Variants in CMYA5 observed in about 807,000 individuals in gnomAD.
The protein encoded by CMYA5 is cardiomyopathy-associated protein 5.
CMYA5 carries 246 observed loss-of-function variants against 318.9 expected under a neutral mutation model. That is an observed-to-expected ratio of 0.77 (90% confidence interval 0.70 to 0.86). The LOEUF (loss-of-function observed/expected upper bound fraction) is 0.86. CMYA5 is among the 40% of genes least tolerant of loss of function. The pLI, the probability that CMYA5 is intolerant of heterozygous loss-of-function variation, is 0.00. For synonymous variants in CMYA5, 1,641 were observed against 1,729.5 expected (o/e 0.95, Z 1.27); for missense variants, 4,589 against 4,678.2 (o/e 0.98, Z 0.56).
At chr5:79,694,508 A>C (rs1827030431) in intron 1 of CMYA5, among the ~76,000 whole-genome samples, 1 of 152,174 alleles carries the variant, frequency 6.6e-6, no homozygotes, top group African/African-American at 2.4e-5. Context: ...TCTGTTGGTC[A>C]ATTTTCATTT....
intron 1 of CMYA5, among the ~76,000 whole-genome samples, chr5:79,699,572 G>C (rs1827137281): frequency 6.6e-6 from 1 of 152,212 alleles, no homozygotes; most frequent in Admixed American, 6.5e-5. Context: ...AAAGAGGGAA[G>C]TGGGTGCCTA....
intron 1 of CMYA5, among the ~76,000 whole-genome samples, chr5:79,697,977 T>G (rs898590772): frequency 6.6e-6 from 1 of 152,184 alleles, no homozygotes; most frequent in Non-Finnish European, 1.5e-5. Flanking sequence ...CCAGTGTGAT[T>G]GCATTTTCGT....
Position 79,735,230 on chromosome 5 carries a change from A to G in CMYA5, c.6465A>G (p.Pro2155=), listed in dbSNP as rs1828028312. The change falls in exon 2 of 13, where the codon CCA becomes CCG. Residue 2155 remains proline, a synonymous_variant. Coordinates refer to ENST00000446378, the MANE Select transcript of CMYA5 (RefSeq NM_153610.5). ...SPESPEVTQN[P]PTQPKVAKPD... is the part of the protein sequence containing the mutation. ...AGTCACCTGAGGTGACACAAAATCCACCTACACAACCAAAGGTGGCTAAGC... is the reference window on the plus strand; with the variant it reads ...AGTCACCTGAGGTGACACAAAATCCGCCTACACAACCAAAGGTGGCTAAGC... 6.2e-7 allele frequency: 1 copy of G among 1,613,664 alleles called. No individual in the cohort carries two copies. The highest frequency in any genetic ancestry group is 1.1e-5 in the South Asian group (1 of 91,076).
chr5:79,787,764 ATGGGGTCAGGG>A (rs1013744630), intron 9 of CMYA5, among the ~76,000 whole-genome samples: 2 of 152,186 alleles, frequency 1.3e-5, no homozygotes, highest in Non-Finnish European at 2.9e-5. Context: ...CCTTTTAGAC[ATGGGGTCAGGG>A]TGGGGTGGTT....
intron 1 of CMYA5, among the ~76,000 whole-genome samples, chr5:79,712,087 T>C (rs575909875): frequency 2.7e-4 from 41 of 152,194 alleles, no homozygotes; most frequent in Non-Finnish European, 4.0e-4. Flanking sequence ...CCCAAGTCTG[T>C]CTGCTGGCAC....
At chr5:79,723,024 G>A (rs1453713506) in intron 1 of CMYA5, among the ~76,000 whole-genome samples, 1 of 152,114 alleles carries the variant, frequency 6.6e-6, no homozygotes, top group Non-Finnish European at 1.5e-5. Context: ...AACACTTAAG[G>A]GAGAAATAAT....
At chr5:79,698,672 C>T (rs1319823138) in intron 1 of CMYA5, among the ~76,000 whole-genome samples, 2 of 152,256 alleles carry the variant, frequency 1.3e-5, no homozygotes, top group Admixed American at 6.5e-5. Context: ...GCTTAGTTCA[C>T]TCCCTTCTTG....
At chr5:79,760,626 T>G (rs1309621169) in intron 7 of CMYA5, among the ~76,000 whole-genome samples, 2 of 152,170 alleles carry the variant, frequency 1.3e-5, no homozygotes, top group African/African-American at 4.8e-5. Flanking sequence ...CCAGATCTCT[T>G]GAGAACTCAT....
intron 1 of CMYA5, among the ~76,000 whole-genome samples, chr5:79,698,768 C>T (rs578065168): frequency 3.9e-5 from 6 of 152,316 alleles, no homozygotes; most frequent in Non-Finnish European, 5.9e-5. Context: ...ATTGACACCA[C>T]CAGAATGTAA....
At chr5:79,745,705 A>G (rs1329806405) in intron 4 of CMYA5, among the ~76,000 whole-genome samples, 1 of 152,138 alleles carries the variant, frequency 6.6e-6, no homozygotes, top group Non-Finnish European at 1.5e-5. Flanking sequence ...ATCATCATCC[A>G]TTGCGTCCCA....
chr5:79,713,336 G>C (rs1827440876), intron 1 of CMYA5, among the ~76,000 whole-genome samples: 2 of 121,198 alleles, frequency 1.7e-5, no homozygotes, highest in South Asian at 5.0e-4. Context: ...AATTATCTTA[G>C]CTCCTAATGT....
At position 79,736,689 on chromosome 5, in the gene CMYA5, TGTC is replaced by T. The variant is rs759969130; in HGVS notation, c.7927_7929del (p.Arg2643del). ...GACTTTCCTGCCGGTGGCTCTTTCT[TGTC>T]GTGATGAAATAGAGAACCACTCTTT... is the stretch of plus-strand genomic sequence containing the variant. On this transcript the variant is annotated inframe_deletion, in exon 2 of 13. Transcript: ENST00000446378. 6.8e-6 allele frequency: 11 copies of T among 1,613,268 alleles called. No homozygotes were observed. The East Asian group carries it at 2.2e-4, about 33-fold the overall frequency.
chr5:79,729,808 G>A lies in CMYA5; in HGVS notation c.1043G>A (p.Ser348Asn). 6.2e-7 allele frequency: 1 copy of A among 1,613,760 alleles called. No individual in the cohort carries two copies. The highest frequency in any genetic ancestry group is 1.3e-5 in the African/African-American group (1 of 75,044). ...LEHTVPSYSS[S>N]GRAEQGIQLR... ...CACACAGTTCCCTCTTATTCAAGTAGTGGCAGAGCAGAACAAGGAATACAG... is the reference window on the plus strand; with the variant it reads ...CACACAGTTCCCTCTTATTCAAGTAATGGCAGAGCAGAACAAGGAATACAG... Residue 348 changes from serine to asparagine, a missense_variant, in exon 2 of 13, where the codon AGT becomes AAT. Coordinates refer to ENST00000446378, the MANE Select transcript of CMYA5 (RefSeq NM_153610.5).
intron 9 of CMYA5, among the ~76,000 whole-genome samples, chr5:79,774,818 T>C (rs1357825734): frequency 4.6e-5 from 7 of 152,242 alleles, no homozygotes; most frequent in Non-Finnish European, 7.3e-5. Flanking sequence ...CCCACTGCTC[T>C]GTCTGTAGAA....
chr5:79,715,716 T>C (rs1433813324), intron 1 of CMYA5, among the ~76,000 whole-genome samples: 1 of 152,226 alleles, frequency 6.6e-6, no homozygotes, highest in East Asian at 1.9e-4. Context: ...TGGCAGGGCC[T>C]GAAGCTAAAG....
chr5:79,745,399 A>G lies in CMYA5; in HGVS notation c.10912A>G (p.Thr3638Ala), dbSNP rs1236166738. The G allele has an allele frequency of 6.2e-7, 1 of 1,613,908 alleles. No individual in the cohort carries two copies. The highest frequency in any genetic ancestry group is 8.5e-7 in the Non-Finnish European group (1 of 1,179,848). The change falls in exon 4 of 13, where the codon ACC becomes GCC. Residue 3638 changes from threonine to alanine, a missense_variant. By Grantham distance (58) the Thr-to-Ala change is moderately conservative. This residue lies in a region of CMYA5 where 2,431 missense variants were observed against 2,495.1 expected (regional missense o/e 0.97). Transcript: ENST00000446378. ...FLQSMDTAKD[T>A]LETIVREAEE... ...GCAGAGCATGGACACTGCCAAAGACACCCTGGAGACCATCGTGAGAGAAGC... is the reference window on the plus strand; with the variant it reads ...GCAGAGCATGGACACTGCCAAAGACGCCCTGGAGACCATCGTGAGAGAAGC...
intron 1 of CMYA5, among the ~76,000 whole-genome samples, chr5:79,713,380 C>A (rs1033727201): frequency 6.7e-6 from 1 of 149,390 alleles, no homozygotes; most frequent in Admixed American, 6.9e-5. Flanking sequence ...GCCCACCTCC[C>A]AAGACCACAA....
At chr5:79,725,194 C>G (rs1437724920) in intron 1 of CMYA5, among the ~76,000 whole-genome samples, 2 of 152,088 alleles carry the variant, frequency 1.3e-5, no homozygotes, top group Non-Finnish European at 2.9e-5. Flanking sequence ...TTCACAATAG[C>G]AAAGACATGG....
At chr5:79,719,573 G>T (rs1236533681) in intron 1 of CMYA5, among the ~76,000 whole-genome samples, 1 of 152,210 alleles carries the variant, frequency 6.6e-6, no homozygotes, top group Non-Finnish European at 1.5e-5. Context: ...AACAGTTGGA[G>T]ATAAGAAGAT....
Sources: allele counts gnomAD v4.1 joint callset (sites outside exome capture counted in the v4.1 genomes callset), GRCh38; gene constraint gnomAD v4.1.1; regional missense constraint gnomAD v4.1.1; transcripts MANE v1.5; gene names NCBI Gene and HGNC (gene_info 2026-07-23, HGNC 2026-07-21).